Variants in AGBL3 observed in about 807,000 individuals in gnomAD.
AGBL3 encodes AGBL carboxypeptidase 3.
Under a neutral mutation model 94.5 loss-of-function variants are expected in AGBL3, and 68 were observed. That is an observed-to-expected ratio of 0.72 (90% CI 0.59 to 0.88). The LOEUF (loss-of-function observed/expected upper bound fraction) is 0.88. AGBL3 is among the 40% of genes least tolerant of loss of function. The probability of loss-of-function intolerance (pLI) is 0.00; values close to 1 mark genes in which losing one functional copy is unlikely to be tolerated. For missense variants in AGBL3, 934 were observed against 1,103.8 expected, an observed-to-expected ratio of 0.85 and a Z score of 2.18; for synonymous variants, 354 against 370.7, an observed-to-expected ratio of 0.95 and a Z score of 0.52.
intron 15 of AGBL3, among the ~76,000 whole-genome samples, chr7:135,102,119 G>C (rs1327006841): frequency 1.3e-5 from 2 of 152,080 alleles, no homozygotes; most frequent in African/African-American, 4.8e-5. Context: ...GTCTTTATCA[G>C]CAGCATAAAA....
At position 135,017,132 on chromosome 7, in the gene AGBL3, G is replaced by A. The variant is rs1813892971; in HGVS notation, c.391G>A (p.Ala131Thr). Residue 131 changes from alanine to threonine, a missense_variant, in exon 5 of 17, where the codon GCT becomes ACT. This residue lies in a region of AGBL3 where 488 missense variants were observed against 563.6 expected (regional missense o/e 0.87). Coordinates refer to ENST00000436302, the MANE Select transcript of AGBL3 (RefSeq NM_178563.4). Reference sequence around the variant, plus strand: ...ACCCCTTTATCCAGACTCCAAGGAAGCTACTGTGGTTTATCTAGCTGAAGA... The same window carrying A: ...ACCCCTTTATCCAGACTCCAAGGAAACTACTGTGGTTTATCTAGCTGAAGA... ...TEPLYPDSKE[A>T]TVVYLAEDAY... 6.5e-7 allele frequency: 1 copy of A among 1,549,662 alleles called. No individual in the cohort carries two copies. Among genetic ancestry groups the A allele is most frequent in the Non-Finnish European group, 8.7e-7 (1 of 1,144,772 alleles).
chr7:135,007,725 A>G (rs1353536925), intron 4 of AGBL3, among the ~76,000 whole-genome samples: 1 of 152,014 alleles, frequency 6.6e-6, no homozygotes, highest in Non-Finnish European at 1.5e-5. Flanking sequence ...GTAAAACTAT[A>G]CTTGCCAATA....
In AGBL3 at chr7:135,024,992, C is replaced by T. The variant is rs372493933; in HGVS notation, c.418+7833C>T. On this transcript the variant is annotated intron_variant, in intron 5 of 16. Transcript: ENST00000436302. ...TTATGTAAAGATTCCAAACCTATGACCCATTGGCATTCCTGAGAGGGAAGG... is the reference window on the plus strand; with the variant it reads ...TTATGTAAAGATTCCAAACCTATGATCCATTGGCATTCCTGAGAGGGAAGG... 3.3e-5 allele frequency among the ~76,000 whole-genome samples: 5 copies of T among 151,622 alleles called. 1 individual carries two copies. The highest frequency in any genetic ancestry group is 6.6e-5 in the Admixed American group (1 of 15,238).
At chr7:135,125,365 A>G (rs926825589) in intron 16 of AGBL3, among the ~76,000 whole-genome samples, 2 of 152,148 alleles carry the variant, frequency 1.3e-5, no homozygotes, top group African/African-American at 4.8e-5. Context: ...CCCTGAATAG[A>G]CCAATAGCAA....
At chr7:135,057,158 T>C (rs995627341) in intron 11 of AGBL3, among the ~76,000 whole-genome samples, 5 of 151,986 alleles carry the variant, frequency 3.3e-5, no homozygotes, top group Admixed American at 2.6e-4. Flanking sequence ...AATGGAGAAA[T>C]AAGGTCTTTT....
intron 8 of AGBL3, among the ~76,000 whole-genome samples, chr7:135,042,896 A>G (rs1187132040): frequency 1.3e-5 from 2 of 152,192 alleles, no homozygotes; most frequent in African/African-American, 4.8e-5. Context: ...TGGGTGACAG[A>G]GAGAGACCCT....
rs1263535272 is a variant in AGBL3, at chr7:135,034,208, A to G, written c.617A>G (p.Gln206Arg). The G allele has an allele frequency of 6.4e-7, 1 of 1,551,650 alleles. No homozygotes were observed. ...GACCTCTTCACAAATAAACACACCC[A>G]GTGGTACTATTTCCAAGTCACTAAT... ...RPDLFTNKHT[Q>R]WYYFQVTNMR... is the part of the protein sequence containing the mutation. Residue 206 changes from glutamine (Q) to arginine (R), a missense_variant, in exon 7 of 17, where the codon CAG becomes CGG. This residue lies in a region of AGBL3 where 488 missense variants were observed against 563.6 expected (regional missense o/e 0.87). Coordinates refer to ENST00000436302, the MANE Select transcript of AGBL3 (RefSeq NM_178563.4).
At chr7:135,081,846 AT>A in intron 15 of AGBL3, 56 bp downstream of exon 15, 1 of 1,133,996 alleles carries the variant, frequency 8.8e-7, no homozygotes, top group South Asian at 1.8e-5. Flanking sequence ...TCTGAATGTT[AT>A]TTTTCTCTCT....
At chr7:135,024,136 C>A (rs1814824369) in intron 5 of AGBL3, among the ~76,000 whole-genome samples, 1 of 152,140 alleles carries the variant, frequency 6.6e-6, no homozygotes, top group African/African-American at 2.4e-5. Context: ...GTGTGGTGTG[C>A]CTGGGAGCCC....
In AGBL3 at chr7:135,034,400, C is replaced by G. The variant is rs1816089781; in HGVS notation, c.809C>G (p.Pro270Arg). Residue 270 changes from proline (P) to arginine (R), a missense_variant, in exon 7 of 17, where the codon CCA becomes CGA. Around this residue, in one of 3 missense-constraint regions of AGBL3, gnomAD observed 488 missense variants for 563.6 expected, o/e 0.87. Coordinates refer to ENST00000436302, the MANE Select transcript of AGBL3 (RefSeq NM_178563.4). Reference sequence around the variant, plus strand: ...CAAATCAAGTATTATAGGAACAACCCAGGCCAAGATGGGCGCCATTATTTC... The same window carrying G: ...CAAATCAAGTATTATAGGAACAACCGAGGCCAAGATGGGCGCCATTATTTC... Reference protein sequence around the residue: ...GDQIKYYRNNPGQDGRHYFSL... With the variant: ...GDQIKYYRNNRGQDGRHYFSL... 2.6e-6 allele frequency: 4 copies of G among 1,551,666 alleles called. No individual in the cohort carries two copies. The highest frequency in any genetic ancestry group is 3.5e-6 in the Non-Finnish European group (4 of 1,146,980).
chr7:135,081,102 A>G (rs1288950152), intron 14 of AGBL3, among the ~76,000 whole-genome samples: 1 of 151,994 alleles, frequency 6.6e-6, no homozygotes, highest in Non-Finnish European at 1.5e-5. Flanking sequence ...TTTTCTGATA[A>G]TGGTCAGCTA....
chr7:135,091,438 C>T (rs903518039), intron 15 of AGBL3, among the ~76,000 whole-genome samples: 15 of 152,232 alleles, frequency 9.9e-5, no homozygotes, highest in African/African-American at 3.6e-4. Flanking sequence ...CCTTTGAATA[C>T]AGTATTTTTT....
At chr7:135,076,990 A>T (rs1238158791) in intron 13 of AGBL3, among the ~76,000 whole-genome samples, 4 of 152,238 alleles carry the variant, frequency 2.6e-5, no homozygotes, top group Non-Finnish European at 5.9e-5. Flanking sequence ...ACTAAAATTC[A>T]TTAAAAACTG....
chr7:135,069,256 A>G (rs1819652941), intron 12 of AGBL3, among the ~76,000 whole-genome samples: 4 of 152,060 alleles, frequency 2.6e-5, no homozygotes, highest in Admixed American at 2.6e-4. Context: ...AGAGACTTAG[A>G]CTCCCACACA....
chr7:135,015,862 A>AAG (rs1813724883), intron 4 of AGBL3, among the ~76,000 whole-genome samples: 1 of 99,204 alleles, frequency 1.0e-5, no homozygotes, highest in Non-Finnish European at 2.3e-5. Context: ...AAAATACAAA[A>AAG]AAAAGAAAAA....
At chr7:135,071,803 A>G (rs986135600) in intron 12 of AGBL3, among the ~76,000 whole-genome samples, 20 of 152,232 alleles carry the variant, frequency 1.3e-4, no homozygotes, top group African/African-American at 4.6e-4. Flanking sequence ...TAAAACCATA[A>G]AAACCCTAGA....
intron 4 of AGBL3, among the ~76,000 whole-genome samples, chr7:135,013,028 A>T (rs909315117): frequency 8.5e-5 from 13 of 152,186 alleles, no homozygotes; most frequent in African/African-American, 2.7e-4. Context: ...TATTCCCAAC[A>T]CATATATGAC....
chr7:135,043,981 C>T (rs920418728), intron 8 of AGBL3, 44 bp from the exon 9 acceptor site: 57 of 1,525,344 alleles, frequency 3.7e-5, no homozygotes, highest in Non-Finnish European at 4.4e-5. Context: ...AAAAAGATAT[C>T]GGTACCAGAA....
At chr7:135,022,928 G>A (rs187316477) in intron 5 of AGBL3, among the ~76,000 whole-genome samples, 41 of 151,820 alleles carry the variant, frequency 2.7e-4, no homozygotes, top group African/African-American at 9.7e-4. Flanking sequence ...TTCTTTGTCT[G>A]CCTTCATTGA....
Sources: gnomAD v4.1 joint callset for allele counts (sites outside exome capture counted in the v4.1 genomes callset) on GRCh38, gnomAD v4.1.1 for gene constraint, gnomAD v4.1.1 regional missense constraint, MANE v1.5 for transcripts, NCBI Gene and HGNC (gene_info 2026-07-23, HGNC 2026-07-21) for gene names.